ESF1: variants seen among roughly 807,000 people sequenced by gnomAD.
The protein encoded by ESF1 is ESF1 homolog.
In ESF1, 58 loss-of-function variants were observed where a neutral mutation model predicts 92.0. That is an observed-to-expected ratio of 0.63 (90% CI 0.51 to 0.78). The LOEUF is 0.78. ESF1 is among the 30% of genes least tolerant of loss of function. The pLI, the probability that ESF1 is intolerant of heterozygous loss-of-function variation, is 0.00. For missense variants in ESF1, 922 were observed against 989.1 expected (o/e 0.93, Z 0.91); for synonymous variants, 321 against 313.7 (o/e 1.02, Z -0.24).
Position 13,782,902 on chromosome 20 carries a change from T to C in ESF1, c.239A>G (p.Asn80Ser), listed in dbSNP as rs148730581. The change falls in exon 2 of 14, where the codon AAT becomes AGT. Residue 80 changes from asparagine (N) to serine (S), a missense_variant. Asn to Ser is a conservative substitution (Grantham distance 46). Transcript: ENST00000617257. ...RFYDLSDSDSNLSGEDSKALS... is the reference protein window; with the variant it reads ...RFYDLSDSDSSLSGEDSKALS... ...TGCTTTGCTATCTTCACCAGAGAGA[T>C]TGGAATCAGAATCTGAAAGGTCGTA... 90 of 1,614,032 alleles carry C rather than the reference T, an allele frequency of 5.6e-5. No homozygotes were observed. Among genetic ancestry groups the C allele is most frequent in the Middle Eastern group, 1.6e-4 (1 of 6,084 alleles).
At chr20:13,768,936 G>A (rs1979558820) in intron 7 of ESF1, among the ~76,000 whole-genome samples, 1 of 151,250 alleles carries the variant, frequency 6.6e-6, no homozygotes, top group African/African-American at 2.4e-5. Flanking sequence ...AAGGGAGAAG[G>A]TAGTCACCTA....
chr20:13,759,891 T>C, intron 8 of ESF1, 38 bp from the exon 9 acceptor site: 4 of 1,553,992 alleles, frequency 2.6e-6, no homozygotes, highest in Non-Finnish European at 3.4e-6. Flanking sequence ...ACAGAAACAA[T>C]TCATTTCTAA....
chr20:13,726,365 T>C (rs1600266987), intron 11 of ESF1, among the ~76,000 whole-genome samples: 2 of 152,254 alleles, frequency 1.3e-5, no homozygotes, highest in African/African-American at 4.8e-5. Context: ...CCAGCCACAC[T>C]GATGTCTTTC....
intron 9 of ESF1, among the ~76,000 whole-genome samples, chr20:13,746,839 T>C (rs1417715397): frequency 6.6e-6 from 1 of 152,258 alleles, no homozygotes; most frequent in Non-Finnish European, 1.5e-5. Flanking sequence ...ACTTGATTTT[T>C]CTTCTTGCAA....
chr20:13,733,638 G>T, intron 10 of ESF1, 83 bp downstream of exon 10: 1 of 1,381,472 alleles, frequency 7.2e-7, no homozygotes, highest in Non-Finnish European at 9.8e-7. Flanking sequence ...GTTACATTTT[G>T]AGATAATGGA....
Position 13,771,476 on chromosome 20 carries a change from T to C in ESF1, c.1258A>G (p.Arg420Gly). 1 of 1,612,062 alleles carries C rather than the reference T, an allele frequency of 6.2e-7. No homozygotes were observed. Among genetic ancestry groups the C allele is most frequent in the Non-Finnish European group, 8.5e-7 (1 of 1,178,936 alleles). Residue 420 changes from arginine to glycine, a missense_variant, in exon 6 of 14, where the codon AGA becomes GGA. Coordinates refer to ENST00000617257, the MANE Select transcript of ESF1 (RefSeq NM_001276380.2). ...EDAPEKDWTSREKLRDYQFKR... is the reference protein window; with the variant it reads ...EDAPEKDWTSGEKLRDYQFKR... Reference sequence around the variant, plus strand: ...AATTGATAATCTCTCAATTTTTCTCTAGACGTCCTAAAGTGGGAAAAACTT... The same window carrying C: ...AATTGATAATCTCTCAATTTTTCTCCAGACGTCCTAAAGTGGGAAAAACTT...
chr20:13,750,235 T>C (rs1978567632), intron 9 of ESF1, among the ~76,000 whole-genome samples: 1 of 152,188 alleles, frequency 6.6e-6, no homozygotes, highest in Admixed American at 6.5e-5. Flanking sequence ...CTGGGCCCAG[T>C]GGCTCACGCC....
intron 4 of ESF1, among the ~76,000 whole-genome samples, chr20:13,774,040 A>C (rs1295306300): frequency 1.3e-5 from 2 of 151,886 alleles, no homozygotes; most frequent in African/African-American, 4.8e-5. Context: ...GCTTGCAGTG[A>C]GCCGAGATTG....
intron 9 of ESF1, among the ~76,000 whole-genome samples, chr20:13,742,256 T>C (rs890942636): frequency 2.0e-5 from 3 of 151,962 alleles, no homozygotes; most frequent in African/African-American, 7.2e-5. Context: ...TAATCCCAGC[T>C]ACTTGGGAGT....
At chr20:13,744,073 T>C (rs920262317) in intron 9 of ESF1, among the ~76,000 whole-genome samples, 90 of 152,330 alleles carry the variant, frequency 5.9e-4, no homozygotes, top group African/African-American at 1.9e-3. Context: ...ACTTATTCAT[T>C]ATAACAAACA....
In ESF1 at chr20:13,782,556, A is replaced by G. The variant is rs1189121046; in HGVS notation, c.585T>C (p.Ile195=). Residue 195 remains isoleucine, a synonymous_variant, in exon 2 of 14, where the codon ATT becomes ATC. Coordinates refer to ENST00000617257, the MANE Select transcript of ESF1 (RefSeq NM_001276380.2). ...AACACTCGATTCTGGGAGATTTCAC[A>G]ATTTCAGAGGTGCCTGAGTCTAATG... ...QRTLDSGTSE[I]VKSPRIECSK... 6.4e-7 allele frequency: 1 copy of G among 1,566,836 alleles called. No individual in the cohort carries two copies. Among genetic ancestry groups the G allele is most frequent in the East Asian group, 2.3e-5 (1 of 43,642 alleles).
rs1008114222 is a variant in ESF1 at position 13,766,631 on chromosome 20, AT to A, written c.1666+145del. 356 of 686,990 alleles carry A rather than the reference AT, an allele frequency of 5.2e-4. 3 individuals are homozygous for A. In the East Asian group the frequency reaches 7.6e-3, roughly 15 times the overall value. 42.6% of individuals were successfully genotyped at this position (686,990 alleles called of 1,614,324 possible). The stretch of plus-strand genomic sequence containing the variant: ...AGTTAAAGAAATTCAGGCAAAGAAA[AT>A]TTTTTTTTAAAAAAATCAATCACTA... On this transcript the variant is annotated intron_variant, in intron 8 of 13. Transcript: ENST00000617257.
At chr20:13,760,221 C>T (rs1451177615) in intron 8 of ESF1, among the ~76,000 whole-genome samples, 1 of 147,094 alleles carries the variant, frequency 6.8e-6, no homozygotes, top group African/African-American at 2.5e-5. Flanking sequence ...CGCCCATCGT[C>T]TGGGATGTGA....
At chr20:13,766,411 T>C (rs988062059) in intron 8 of ESF1, among the ~76,000 whole-genome samples, 3 of 152,198 alleles carry the variant, frequency 2.0e-5, no homozygotes, top group African/African-American at 7.2e-5. Context: ...GTCTACTTTT[T>C]AACTAGTTGA....
intron 2 of ESF1, among the ~76,000 whole-genome samples, chr20:13,782,223 A>G (rs931657030): frequency 6.6e-6 from 1 of 152,184 alleles, no homozygotes; most frequent in East Asian, 1.9e-4. Flanking sequence ...GTGATGACAT[A>G]TAACACTTTA....
intron 9 of ESF1, among the ~76,000 whole-genome samples, chr20:13,741,172 C>G (rs147699107): frequency 6.6e-6 from 1 of 152,204 alleles, no homozygotes; most frequent in Admixed American, 6.5e-5. Context: ...GCCCCATTCC[C>G]TGCCAACTCT....
intron 11 of ESF1, among the ~76,000 whole-genome samples, chr20:13,725,872 A>C (rs1306116867): frequency 6.6e-6 from 1 of 152,154 alleles, no homozygotes; most frequent in African/African-American, 2.4e-5. Context: ...TGACATCTCA[A>C]AGTGATTATA....
chr20:13,780,620 A>G (rs151281858), intron 2 of ESF1, among the ~76,000 whole-genome samples: 1 of 130,322 alleles, frequency 7.7e-6, no homozygotes, highest in Non-Finnish European at 1.8e-5. Flanking sequence ...GGCCTATCAA[A>G]ACCTCTTGGC....
chr20:13,773,928 T>C (rs1313410866), intron 4 of ESF1, among the ~76,000 whole-genome samples: 1 of 151,972 alleles, frequency 6.6e-6, no homozygotes, highest in Non-Finnish European at 1.5e-5. Context: ...AACCCGTCTC[T>C]ACTAAAAATA....
Sources: gnomAD v4.1 joint callset for allele counts (sites outside exome capture counted in the v4.1 genomes callset) on GRCh38, gnomAD v4.1.1 for gene constraint, MANE v1.5 for transcripts, NCBI Gene and HGNC (gene_info 2026-07-23, HGNC 2026-07-21) for gene names.